Variants in NCK2 observed in about 807,000 individuals in gnomAD.
NCK2 encodes the protein NCK adaptor protein 2.
NCK2 carries 16 observed loss-of-function variants against 33.9 expected under a neutral mutation model. The observed-to-expected ratio is 0.47, with a 90% CI of 0.32 to 0.72. The LOEUF is 0.72. Among genes scored for constraint, NCK2 ranks in the 30% least tolerant of loss-of-function variants. The pLI, the probability that NCK2 is intolerant of heterozygous loss-of-function variation, is 0.03. For missense variants in NCK2, 418 were observed against 537.3 expected, an observed-to-expected ratio of 0.78 and a Z score of 2.19; for synonymous variants, 273 against 239.9, an observed-to-expected ratio of 1.14 and a Z score of -1.27.
Position 105,893,035 on chromosome 2 carries a change from G to A in NCK2, c.1002G>A (p.Lys334=). 1.9e-6 allele frequency: 3 copies of A among 1,614,014 alleles called. No individual in the cohort carries two copies. The highest frequency in any genetic ancestry group is 1.7e-6 in the Non-Finnish European group (2 of 1,179,996). Residue 334 remains lysine, a synonymous_variant, in exon 5 of 5, where the codon AAG becomes AAA. Transcript: ENST00000233154. The part of the protein sequence containing the change: ...LKASGKNKHF[K]VQLVDNVYCI... ...CGTCAGGGAAGAACAAACACTTCAA[G>A]GTGCAGCTCGTGGACAATGTCTACT... is the stretch of plus-strand genomic sequence containing the variant.
At position 105,756,554 on chromosome 2, in the gene NCK2, A is replaced by C. The variant is rs1197483275; in HGVS notation, c.-201+11416A>C. The stretch of plus-strand genomic sequence containing the variant: ...TTAATTATCCCTTTTTTAGATGAGG[A>C]AAGTGTGGGTCCCTCACCAGGGCAC... On this transcript the variant is annotated intron_variant, in intron 1 of 4. Transcript: ENST00000233154. Among the ~76,000 whole-genome samples the C allele has an allele frequency of 1.3e-5, 2 of 152,106 alleles. 1 individual carries two copies. Among genetic ancestry groups the C allele is most frequent in the East Asian group, 3.9e-4 (2 of 5,176 alleles).
At chr2:105,810,887 G>A (rs767555785) in intron 1 of NCK2, among the ~76,000 whole-genome samples, 28 of 152,068 alleles carry the variant, frequency 1.8e-4, no homozygotes, top group South Asian at 8.3e-4. Flanking sequence ...ATATTTGCCC[G>A]GCTATGGGCC....
intron 2 of NCK2, among the ~76,000 whole-genome samples, chr2:105,829,982 T>C (rs1318338596): frequency 1.3e-5 from 2 of 152,250 alleles, no homozygotes; most frequent in African/African-American, 4.8e-5. Flanking sequence ...TTATTCATTC[T>C]AATTGTTCCT....
chr2:105,792,406 G>A (rs1690918223), intron 1 of NCK2, among the ~76,000 whole-genome samples: 1 of 152,162 alleles, frequency 6.6e-6, no homozygotes, highest in South Asian at 2.1e-4. Context: ...TATTTCTGAA[G>A]TGAATTCCAG....
intron 2 of NCK2, among the ~76,000 whole-genome samples, chr2:105,850,702 G>C (rs894033760): frequency 7.2e-5 from 11 of 152,188 alleles, no homozygotes; most frequent in Non-Finnish European, 1.3e-4. Context: ...TTCTATGATG[G>C]TCTTGCCTAG....
chr2:105,824,298 T>C (rs1354947521), intron 2 of NCK2, among the ~76,000 whole-genome samples: 2 of 152,196 alleles, frequency 1.3e-5, no homozygotes, highest in Non-Finnish European at 2.9e-5. Flanking sequence ...GAGTGGGAAA[T>C]GCAGCAGATC....
chr2:105,793,978 A>C (rs1573600802), intron 1 of NCK2, among the ~76,000 whole-genome samples: 1 of 151,820 alleles, frequency 6.6e-6, no homozygotes, highest in East Asian at 1.9e-4. Context: ...TTTTAAACAT[A>C]ATCTATTATA....
intron 1 of NCK2, among the ~76,000 whole-genome samples, chr2:105,760,131 G>T (rs1689723507): frequency 1.3e-5 from 2 of 152,172 alleles, no homozygotes; most frequent in African/African-American, 4.8e-5. Flanking sequence ...TCCTGTAGGG[G>T]TTGTATTTAC....
rs1026507238 is a variant in NCK2, at chr2:105,893,339, G to T, written c.*163G>T. ...GGTTCGTCTCCCATTTGCCATCCAG[G>T]CCTCACACCCACACTCGAGCCCACC... On this transcript the variant is annotated 3_prime_UTR_variant, in exon 5 of 5. Transcript: ENST00000233154. 14 of 682,778 alleles carry T rather than the reference G, an allele frequency of 2.1e-5. No homozygotes were observed. The highest frequency in any genetic ancestry group is 1.3e-4 in the African/African-American group (7 of 55,498). 42.3% of individuals were successfully genotyped at this position (682,778 alleles called of 1,614,324 possible). A position where few individuals can be genotyped will look rare whatever the true frequency, so the allele number is the denominator to read the frequency against.
intron 1 of NCK2, among the ~76,000 whole-genome samples, chr2:105,796,669 C>T (rs1035695728): frequency 2.0e-5 from 3 of 152,124 alleles, no homozygotes; most frequent in African/African-American, 7.2e-5. Context: ...TAGTGTTATT[C>T]CAGAAGCTCT....
chr2:105,749,761 G>A (rs945155953), intron 1 of NCK2, among the ~76,000 whole-genome samples: 7 of 151,796 alleles, frequency 4.6e-5, no homozygotes, highest in African/African-American at 1.7e-4. Flanking sequence ...AGTCTCTCTT[G>A]TCCCCACATC....
intron 2 of NCK2, among the ~76,000 whole-genome samples, chr2:105,836,175 CCTTG>C (rs151260592): frequency 6.7e-6 from 1 of 149,910 alleles, no homozygotes; most frequent in Non-Finnish European, 1.5e-5. Context: ...TTTATTGTTT[CCTTG>C]CTTTTTCGTG....
chr2:105,779,410 T>G (rs1350575962), intron 1 of NCK2, among the ~76,000 whole-genome samples: 1 of 152,198 alleles, frequency 6.6e-6, no homozygotes, highest in Non-Finnish European at 1.5e-5. Context: ...CTTTTTTAAT[T>G]AACTAAAGGG....
At chr2:105,886,870 C>G (rs1263682038) in intron 4 of NCK2, among the ~76,000 whole-genome samples, 1 of 152,214 alleles carries the variant, frequency 6.6e-6, no homozygotes, top group East Asian at 1.9e-4. Context: ...GACAGCTGCT[C>G]TGTAGTTGAT....
At chr2:105,831,981 T>A (rs369311014) in intron 2 of NCK2, among the ~76,000 whole-genome samples, 40 of 152,310 alleles carry the variant, frequency 2.6e-4, no homozygotes, top group Non-Finnish European at 4.3e-4. Context: ...TTGCTTTGGA[T>A]GTAATGGTCA....
At position 105,881,425 on chromosome 2, in the gene NCK2, C is replaced by T; in HGVS notation, c.324C>T (p.Arg108=). 1.2e-6 allele frequency: 2 copies of T among 1,613,282 alleles called. No individual in the cohort carries two copies. The highest frequency in any genetic ancestry group is 1.7e-6 in the Non-Finnish European group (2 of 1,179,974). The part of the protein sequence containing the change: ...EYPANGSGAD[R]IYDLNIPAFV... ...CCGCCAATGGCAGCGGCGCCGACCGCATCTACGACCTCAACATCCCGGCCT... is the reference window on the plus strand; with the variant it reads ...CCGCCAATGGCAGCGGCGCCGACCGTATCTACGACCTCAACATCCCGGCCT... Residue 108 remains arginine, a synonymous_variant, in exon 4 of 5, where the codon CGC becomes CGT. Coordinates refer to ENST00000233154, the MANE Select transcript of NCK2 (RefSeq NM_003581.5).
At chr2:105,752,230 G>A (rs1398998941) in intron 1 of NCK2, among the ~76,000 whole-genome samples, 1 of 152,132 alleles carries the variant, frequency 6.6e-6, no homozygotes. Flanking sequence ...AGTTGAGATA[G>A]CTAAAGAGAC....
intron 2 of NCK2, among the ~76,000 whole-genome samples, chr2:105,839,806 T>A (rs1427775632): frequency 6.6e-6 from 1 of 152,156 alleles, no homozygotes; most frequent in African/African-American, 2.4e-5. Context: ...GGGAGGCTCC[T>A]AGACGGCCTG....
intron 1 of NCK2, among the ~76,000 whole-genome samples, chr2:105,799,570 A>G (rs1263781026): frequency 1.3e-5 from 2 of 152,206 alleles, no homozygotes; most frequent in Non-Finnish European, 2.9e-5. Flanking sequence ...TAGTCTGTCT[A>G]TCTGCCACAC....
Sources: allele counts gnomAD v4.1 joint callset (sites outside exome capture counted in the v4.1 genomes callset), GRCh38; gene constraint gnomAD v4.1.1; transcripts MANE v1.5; gene names NCBI Gene and HGNC (gene_info 2026-07-23, HGNC 2026-07-21).